Variants in LYZL1 observed in about 807,000 individuals in gnomAD.
The protein encoded by LYZL1 is lysozyme-like protein 1.
Under a neutral mutation model 17.9 loss-of-function variants are expected in LYZL1, and 16 were observed. The ratio of observed to expected loss-of-function variants is 0.90; its 90% CI spans 0.61 to 1.36. The LOEUF (loss-of-function observed/expected upper bound fraction) is 1.36. Ranked by LOEUF, LYZL1 falls within the 40% of genes most tolerant of loss-of-function variation. The pLI, the probability that LYZL1 is intolerant of heterozygous loss-of-function variation, is 0.00. For missense variants in LYZL1, 149 were observed against 188.4 expected (o/e 0.79, Z 1.22); for synonymous variants, 58 against 71.8 (o/e 0.81, Z 0.97).
intron 3 of LYZL1, among the ~76,000 whole-genome samples, chr10:29,298,533 A>ATCCG (rs1458121482): frequency 6.6e-6 from 1 of 152,142 alleles, no homozygotes; most frequent in Admixed American, 6.6e-5. Context: ...TAGAGAGTGG[A>ATCCG]TCCGTCAGGG....
At chr10:29,309,381 AT>A (rs1307171024) in intron 3 of LYZL1, among the ~76,000 whole-genome samples, 5 of 152,184 alleles carry the variant, frequency 3.3e-5, no homozygotes, top group African/African-American at 1.2e-4. Context: ...CTGGATAAAA[AT>A]TTTTTAAGGC....
intron 3 of LYZL1, among the ~76,000 whole-genome samples, chr10:29,304,024 G>T (rs1835557101): frequency 6.6e-6 from 1 of 152,200 alleles, no homozygotes; most frequent in African/African-American, 2.4e-5. Context: ...ACCTCCCAAA[G>T]TGCTGGGATT....
intron 3 of LYZL1, among the ~76,000 whole-genome samples, chr10:29,300,112 G>A (rs1031144250): frequency 1.3e-5 from 2 of 152,014 alleles, no homozygotes; most frequent in South Asian, 2.1e-4. Flanking sequence ...CATACATCGT[G>A]GAACCTTGAT....
chr10:29,290,504 G>C (rs1835348166), intron 1 of LYZL1, among the ~76,000 whole-genome samples: 1 of 152,160 alleles, frequency 6.6e-6, no homozygotes, highest in Non-Finnish European at 1.5e-5. Flanking sequence ...AGCACTGGTG[G>C]TGAAGCTTAG....
chr10:29,312,813 G>A (rs1018052634), downstream of LYZL1, among the ~76,000 whole-genome samples: 24 of 152,250 alleles, frequency 1.6e-4, 1 homozygote, highest in African/African-American at 5.8e-4. Context: ...GGGCAGAGCT[G>A]GTTGGAGCTG....
At chr10:29,290,656 G>A (rs1616106) in intron 1 of LYZL1, among the ~76,000 whole-genome samples, 150,097 of 152,226 alleles carry the variant, frequency 0.99, 74,039 homozygotes, top group Middle Eastern at 1. Flanking sequence ...CTGACCAACA[G>A]TGTGAAACCT....
At chr10:29,299,778 T>C (rs907865396) in intron 3 of LYZL1, among the ~76,000 whole-genome samples, 1 of 152,242 alleles carries the variant, frequency 6.6e-6, no homozygotes, top group Non-Finnish European at 1.5e-5. Context: ...ATAATATGTT[T>C]CTTTCCATCC....
chr10:29,292,374 C>A lies in LYZL1; in HGVS notation c.140-145C>A, dbSNP rs568851038. ...CCCCCGATGTGCCCCTCGTGTGCCC[C>A]CTGGGCGCATGCCCGCCCTGCCCTG... is the stretch of plus-strand genomic sequence containing the variant. On this transcript the variant is annotated intron_variant, in intron 2 of 4. Coordinates refer to ENST00000649382, the MANE Select transcript of LYZL1 (RefSeq NM_032517.6). The A allele has an allele frequency of 2.6e-4, 335 of 1,283,026 alleles. 1 individual carries two copies. The African/African-American group carries it at 4.4e-3, about 17-fold the overall frequency. The allele number at this position is 1,283,026 out of a possible 1,614,324, so 79.5% of individuals were successfully genotyped here.
chr10:29,318,279 C>T, exon 5 of LYZL1: 2 of 707,494 alleles, frequency 2.8e-6, no homozygotes, highest in Non-Finnish European at 3.5e-6. Context: ...GAAATCTATA[C>T]TTGCCTTGAG....
chr10:29,313,193 GA>G (rs1264870023), downstream of LYZL1, among the ~76,000 whole-genome samples: 5 of 152,048 alleles, frequency 3.3e-5, no homozygotes, highest in African/African-American at 9.7e-5. Context: ...AACCCTGAGG[GA>G]AAAAACCTTT....
At chr10:29,291,468 T>A (rs10826592) in intron 1 of LYZL1, among the ~76,000 whole-genome samples, 83,268 of 146,052 alleles carry the variant, frequency 0.57, 23,077 homozygotes, top group African/African-American at 0.67. Context: ...CAAACCCATG[T>A]TGTTCAAGGG....
intron 3 of LYZL1, among the ~76,000 whole-genome samples, chr10:29,304,971 C>T (rs1439980510): frequency 4.6e-5 from 7 of 152,202 alleles, no homozygotes; most frequent in Non-Finnish European, 8.8e-5. Flanking sequence ...GAAATCCTTA[C>T]AGGGCATCCA....
chr10:29,308,743 G>A (rs1480470605), intron 3 of LYZL1, among the ~76,000 whole-genome samples: 1 of 152,186 alleles, frequency 6.6e-6, no homozygotes, highest in Non-Finnish European at 1.5e-5. Context: ...AGGATCACTT[G>A]ATCCCCAGAG....
At chr10:29,299,235 C>G (rs182914649) in intron 3 of LYZL1, among the ~76,000 whole-genome samples, 1 of 152,100 alleles carries the variant, frequency 6.6e-6, no homozygotes, top group South Asian at 2.1e-4. Context: ...ACTTGCCTGC[C>G]GCTCACCTCC....
At chr10:29,308,007 A>G (rs1017718558) in intron 3 of LYZL1, among the ~76,000 whole-genome samples, 16 of 152,266 alleles carry the variant, frequency 1.1e-4, no homozygotes, top group African/African-American at 2.6e-4. Context: ...CCAATTCTCT[A>G]AAAATCAAAA....
chr10:29,306,283 G>C (rs2132831926), intron 3 of LYZL1, among the ~76,000 whole-genome samples: 1 of 137,590 alleles, frequency 7.3e-6, no homozygotes, highest in Admixed American at 7.2e-5. Flanking sequence ...GGGCGCGGTG[G>C]CTCACGCCTG....
intron 3 of LYZL1, among the ~76,000 whole-genome samples, chr10:29,303,903 G>A (rs544350099): frequency 6.6e-6 from 1 of 152,292 alleles, no homozygotes; most frequent in African/African-American, 2.4e-5. Context: ...TGTACAGCAT[G>A]GATACACTTC....
At chr10:29,310,904 T>G in intron 4 of LYZL1, 86 bp from the exon 5 acceptor site, 1 of 1,603,550 alleles carries the variant, frequency 6.2e-7, no homozygotes, top group Non-Finnish European at 8.5e-7. Flanking sequence ...GCTGGCGATT[T>G]TGGTTAATTT....
chr10:29,289,259 C>T, intron 1 of LYZL1, 29 bp downstream of exon 1: 1 of 460,020 alleles, frequency 2.2e-6, no homozygotes, highest in Non-Finnish European at 2.9e-6. Context: ...TTATGAGAAC[C>T]AGCAATGGCA....
Sources: gnomAD v4.1 joint callset for allele counts (sites outside exome capture counted in the v4.1 genomes callset) on GRCh38, gnomAD v4.1.1 for gene constraint, MANE v1.5 for transcripts, NCBI Gene and HGNC (gene_info 2026-07-23, HGNC 2026-07-21) for gene names.